The following FMN1 variants were observed in gnomAD, a reference collection of about 807,000 sequenced individuals.
The protein encoded by FMN1 is formin 1.
In FMN1, 110 loss-of-function variants were observed where a neutral mutation model predicts 132.4. That is an observed-to-expected ratio of 0.83 (90% CI 0.71 to 0.97). The LOEUF is 0.97. Among genes scored for constraint, FMN1 ranks in the 50% least tolerant of loss-of-function variants. The pLI, the probability that FMN1 is intolerant of heterozygous loss-of-function variation, is 0.00. For synonymous variants in FMN1, 722 were observed against 651.7 expected, an observed-to-expected ratio of 1.11 and a Z score of -1.64; for missense variants, 1,792 against 1,705.3, an observed-to-expected ratio of 1.05 and a Z score of -0.90.
chr15:32,885,486 G>A lies in FMN1; in HGVS notation c.3835+2686C>T, dbSNP rs143192120. On this transcript the variant is annotated intron_variant, in intron 16 of 20. Transcript: ENST00000616417. Reference sequence around the variant, plus strand: ...AAAACTTGACTAGATCATCACCTCTGAAACACTGGCAAATTACTTGAGCAC... The same window carrying A: ...AAAACTTGACTAGATCATCACCTCTAAAACACTGGCAAATTACTTGAGCAC... 6.2e-3 allele frequency among the ~76,000 whole-genome samples: 944 copies of A among 152,278 alleles called. 12 individuals are homozygous for A. The highest frequency in any genetic ancestry group is 0.022 in the African/African-American group (899 of 41,552).
chr15:32,849,141 G>A (rs1226055656), intron 17 of FMN1, among the ~76,000 whole-genome samples: 16 of 126,368 alleles, frequency 1.3e-4, no homozygotes, highest in Admixed American at 1.8e-4. Flanking sequence ...TTGTCACCAC[G>A]CTCAGCTAAT....
At chr15:32,895,750 CTTG>C (rs1398563166) in intron 15 of FMN1, among the ~76,000 whole-genome samples, 2 of 85,404 alleles carry the variant, frequency 2.3e-5, no homozygotes, top group East Asian at 2.7e-4. Context: ...AGTTTTTTTT[CTTG>C]TTAATTCTCG....
intron 5 of FMN1, among the ~76,000 whole-genome samples, chr15:33,081,292 A>G (rs2038447165): frequency 6.6e-6 from 1 of 152,178 alleles, no homozygotes. Context: ...AACATTTCCA[A>G]CAATATTTCA....
intron 6 of FMN1, among the ~76,000 whole-genome samples, chr15:33,030,937 A>G (rs1297885245): frequency 6.6e-6 from 1 of 152,114 alleles, no homozygotes; most frequent in African/African-American, 2.4e-5. Flanking sequence ...CCGGTCATCT[A>G]CATTGGGTAT....
At chr15:33,089,773 G>C (rs931087483) in intron 4 of FMN1, among the ~76,000 whole-genome samples, 1 of 152,186 alleles carries the variant, frequency 6.6e-6, no homozygotes, top group Non-Finnish European at 1.5e-5. Context: ...ATAGAGGGCC[G>C]TGCTTTTAAT....
intron 6 of FMN1, among the ~76,000 whole-genome samples, chr15:33,014,257 T>C (rs1007000918): frequency 6.6e-6 from 1 of 152,258 alleles, no homozygotes; most frequent in African/African-American, 2.4e-5. Flanking sequence ...TCCAAATGTG[T>C]CTTGTTAGTG....
chr15:33,089,568 T>C (rs777533095), intron 4 of FMN1, among the ~76,000 whole-genome samples: 1 of 152,234 alleles, frequency 6.6e-6, no homozygotes, highest in Non-Finnish European at 1.5e-5. Flanking sequence ...AGGTTTGCCA[T>C]AGGATGATAA....
intron 10 of FMN1, among the ~76,000 whole-genome samples, chr15:32,912,490 T>C (rs2060585844): frequency 6.6e-6 from 1 of 152,204 alleles, no homozygotes; most frequent in Non-Finnish European, 1.5e-5. Context: ...TCATGAAATT[T>C]ATATCCCAGT....
intron 3 of FMN1, among the ~76,000 whole-genome samples, chr15:33,174,750 G>GCTTGCATA (rs1555412310): frequency 2.2e-5 from 2 of 92,538 alleles, no homozygotes; most frequent in African/African-American, 6.1e-5. Context: ...CATGTTGCCA[G>GCTTGCATA]CTCCCATACT....
At chr15:32,889,406 T>C (rs2059972075) in intron 15 of FMN1, among the ~76,000 whole-genome samples, 1 of 152,176 alleles carries the variant, frequency 6.6e-6, no homozygotes, top group Non-Finnish European at 1.5e-5. Flanking sequence ...CCAGCTTTCC[T>C]TCACATTCCA....
At chr15:32,995,652 A>C (rs1253655963) in intron 7 of FMN1, among the ~76,000 whole-genome samples, 2 of 152,190 alleles carry the variant, frequency 1.3e-5, no homozygotes, top group Non-Finnish European at 2.9e-5. Flanking sequence ...TGTATTTGAC[A>C]CGTGCTCAAT....
At chr15:32,922,514 C>G (rs1312032745) in intron 10 of FMN1, among the ~76,000 whole-genome samples, 1 of 152,166 alleles carries the variant, frequency 6.6e-6, no homozygotes, top group Non-Finnish European at 1.5e-5. Context: ...AAGCAAAACT[C>G]TTCCTGAATG....
intron 6 of FMN1, among the ~76,000 whole-genome samples, chr15:33,043,333 C>A (rs990464970): frequency 6.6e-6 from 1 of 152,220 alleles, no homozygotes; most frequent in Non-Finnish European, 1.5e-5. Flanking sequence ...CTGTGCCAAT[C>A]ACTGAATTTT....
intron 16 of FMN1, among the ~76,000 whole-genome samples, chr15:32,872,005 A>G (rs2059526962): frequency 2.6e-5 from 4 of 152,158 alleles, no homozygotes; most frequent in Admixed American, 2.6e-4. Context: ...ATCACAGCAT[A>G]AAACTAGGTT....
At position 32,774,295 on chromosome 15, in the gene FMN1, C is replaced by T; in HGVS notation, c.*15G>A. 1 of 1,598,392 alleles carries T rather than the reference C, an allele frequency of 6.3e-7. No individual in the cohort carries two copies. The highest frequency in any genetic ancestry group is 8.5e-7 in the Non-Finnish European group (1 of 1,170,070). The stretch of plus-strand genomic sequence containing the variant: ...TCCTCCACCTCCAGTGCCATCATTT[C>T]CATGTGTCTTCATCTTAGTTAGTGG... On this transcript the variant is annotated 3_prime_UTR_variant, in exon 21 of 21. Coordinates refer to ENST00000616417, the MANE Select transcript of FMN1 (RefSeq NM_001277313.2).
intron 4 of FMN1, among the ~76,000 whole-genome samples, chr15:33,095,195 A>G (rs2039035548): frequency 1.3e-5 from 2 of 152,032 alleles, no homozygotes; most frequent in Admixed American, 6.5e-5. Flanking sequence ...TGAAAATACA[A>G]AAAGTAACTG....
At chr15:32,842,058 C>T (rs892943522) in intron 17 of FMN1, among the ~76,000 whole-genome samples, 2 of 152,156 alleles carry the variant, frequency 1.3e-5, no homozygotes, top group Non-Finnish European at 2.9e-5. Flanking sequence ...TGAACGGTGG[C>T]GTCTATTCAC....
At chr15:32,814,702 A>G (rs2057996114) in intron 17 of FMN1, among the ~76,000 whole-genome samples, 1 of 152,072 alleles carries the variant, frequency 6.6e-6, no homozygotes, top group African/African-American at 2.4e-5. Context: ...TTCCCAGACA[A>G]CTCTGTCTCA....
intron 6 of FMN1, 95 bp from the exon 7 acceptor site, chr15:33,008,170 A>C: frequency 2.1e-6 from 2 of 949,842 alleles, no homozygotes; most frequent in Non-Finnish European, 3.2e-6. Context: ...GACTAAAATA[A>C]ATGCCACAAT....
Sources: gnomAD v4.1 joint callset for allele counts (sites outside exome capture counted in the v4.1 genomes callset) on GRCh38, gnomAD v4.1.1 for gene constraint, MANE v1.5 for transcripts, NCBI Gene and HGNC (gene_info 2026-07-23, HGNC 2026-07-21) for gene names.